Variants in KAZN observed in about 807,000 individuals in gnomAD.
The protein encoded by KAZN is kazrin.
KAZN carries 40 observed loss-of-function variants against 87.4 expected under a neutral mutation model. The ratio of observed to expected loss-of-function variants is 0.46; its 90% CI spans 0.36 to 0.60. KAZN has a LOEUF of 0.60. Ranked by LOEUF, KAZN falls within the 20% of genes least tolerant of loss-of-function variation. The pLI is 0.00. For missense variants in KAZN, 898 were observed against 1,073.9 expected (o/e 0.84, Z 2.29); for synonymous variants, 466 against 458.3 (o/e 1.02, Z -0.22).
rs547484447 is a variant in KAZN at position 14,179,596 on chromosome 1, G to A, written c.92-839G>A. ...CAAATGCAGTGGCTTTATGGAGAAT[G>A]CCTAGAATTTACTTATTTGGGGTTT... On this transcript the variant is annotated intron_variant, in intron 1 of 16. Transcript: ENST00000636203. Among the ~76,000 whole-genome samples, 5 of 152,300 alleles carry A rather than the reference G, an allele frequency of 3.3e-5. No individual in the cohort carries two copies. The South Asian group carries it at 1.0e-3, about 32-fold the overall frequency.
chr1:14,985,313 T>C (rs1666692111), intron 2 of KAZN, among the ~76,000 whole-genome samples: 5 of 151,910 alleles, frequency 3.3e-5, no homozygotes, highest in Admixed American at 2.6e-4. Flanking sequence ...GAGAATCACA[T>C]GAGCTGAGGA....
intron 2 of KAZN, among the ~76,000 whole-genome samples, chr1:14,527,455 A>G (rs962293497): frequency 2.6e-5 from 4 of 151,230 alleles, no homozygotes; most frequent in Admixed American, 2.6e-4. Flanking sequence ...AGTCTGAGGC[A>G]GGAGAATCAC....
At chr1:15,069,838 G>A (rs1000343726) in intron 8 of KAZN, among the ~76,000 whole-genome samples, 1 of 152,152 alleles carries the variant, frequency 6.6e-6, no homozygotes, top group Non-Finnish European at 1.5e-5. Context: ...CAAGCTGCAT[G>A]ACTGTACTCA....
intron 2 of KAZN, among the ~76,000 whole-genome samples, chr1:14,273,574 T>G (rs1279808638): frequency 2.0e-5 from 3 of 152,154 alleles, no homozygotes; most frequent in Non-Finnish European, 4.4e-5. Flanking sequence ...TATTCAAAGC[T>G]TAGCCCAGAA....
intron 1 of KAZN, among the ~76,000 whole-genome samples, chr1:14,959,631 G>A (rs1663597012): frequency 6.6e-6 from 1 of 152,172 alleles, no homozygotes; most frequent in African/African-American, 2.4e-5. Flanking sequence ...ATTTCAGTAT[G>A]TCCTTCCACG....
intron 1 of KAZN, among the ~76,000 whole-genome samples, chr1:14,611,119 C>G (rs944405078): frequency 5.3e-5 from 8 of 152,148 alleles, no homozygotes; most frequent in Non-Finnish European, 1.0e-4. Flanking sequence ...GCATTTTTTT[C>G]TGTGCATCTT....
chr1:14,067,637 C>A (rs1029961854), intron 1 of KAZN, among the ~76,000 whole-genome samples: 16 of 152,204 alleles, frequency 1.1e-4, no homozygotes, highest in African/African-American at 3.6e-4. Context: ...TGTCTGTCCC[C>A]CCCCATACTG....
At chr1:14,577,477 G>A (rs944941238) in intron 2 of KAZN, among the ~76,000 whole-genome samples, 8 of 152,176 alleles carry the variant, frequency 5.3e-5, no homozygotes, top group Non-Finnish European at 8.8e-5. Flanking sequence ...CTTTGGCACA[G>A]AGGGGAGGTG....
At chr1:14,092,360 G>T (rs1644018254) in intron 1 of KAZN, among the ~76,000 whole-genome samples, 1 of 150,120 alleles carries the variant, frequency 6.7e-6, no homozygotes, top group Admixed American at 6.6e-5. Flanking sequence ...CAAAGTGCTG[G>T]GATTATAGGC....
At chr1:13,950,268 C>T (rs964325366) in intron 1 of KAZN, among the ~76,000 whole-genome samples, 17 of 152,178 alleles carry the variant, frequency 1.1e-4, no homozygotes, top group African/African-American at 4.1e-4. Flanking sequence ...CCTTCCAGAC[C>T]TCCCTGGCCA....
intron 1 of KAZN, among the ~76,000 whole-genome samples, chr1:14,867,341 G>C (rs1466513737): frequency 6.6e-6 from 1 of 152,122 alleles, no homozygotes; most frequent in East Asian, 1.9e-4. Flanking sequence ...GAGAAGCAGA[G>C]GACAAAAACT....
chr1:14,925,564 G>C (rs1390401775), intron 1 of KAZN, among the ~76,000 whole-genome samples: 2 of 152,176 alleles, frequency 1.3e-5, no homozygotes, highest in African/African-American at 4.8e-5. Flanking sequence ...ACTTGCCCAA[G>C]TTCCCAGAGT....
At chr1:14,433,390 T>C (rs991354418) in intron 2 of KAZN, among the ~76,000 whole-genome samples, 2 of 151,918 alleles carry the variant, frequency 1.3e-5, no homozygotes, top group African/African-American at 4.9e-5. Flanking sequence ...CATAATATTT[T>C]TGAGATTCAT....
chr1:14,063,663 G>A (rs1642883991), intron 1 of KAZN, among the ~76,000 whole-genome samples: 1 of 152,148 alleles, frequency 6.6e-6, no homozygotes, highest in Non-Finnish European at 1.5e-5. Context: ...GTAGGTCAGT[G>A]ATATGGTTTG....
chr1:14,271,910 C>T (rs774394528), intron 2 of KAZN, among the ~76,000 whole-genome samples: 9 of 152,244 alleles, frequency 5.9e-5, no homozygotes, highest in East Asian at 3.9e-4. Flanking sequence ...GGGACTATAG[C>T]GTGAAGGCAC....
chr1:14,100,677 CACA>C, intron 1 of KAZN, among the ~76,000 whole-genome samples: 1 of 152,310 alleles, frequency 6.6e-6, no homozygotes, highest in Middle Eastern at 3.4e-3. Context: ...CTGGTACATA[CACA>C]AATTCTAGAC....
intron 1 of KAZN, among the ~76,000 whole-genome samples, chr1:14,662,985 T>C (rs561698908): frequency 7.0e-6 from 1 of 143,696 alleles, no homozygotes; most frequent in African/African-American, 2.6e-5. Context: ...ATATATATTT[T>C]AGAGAGGGGG....
intron 2 of KAZN, among the ~76,000 whole-genome samples, chr1:14,432,121 C>T (rs141799567): frequency 3.9e-5 from 6 of 152,228 alleles, no homozygotes; most frequent in Admixed American, 6.5e-5. Flanking sequence ...ATCTTTTCCC[C>T]GCAAGCCTAC....
Position 14,427,183 on chromosome 1 carries a change from C to T in KAZN, c.250-171800C>T, listed in dbSNP as rs1347413556. 2.0e-5 allele frequency among the ~76,000 whole-genome samples: 3 copies of T among 152,168 alleles called. No homozygotes were observed. The East Asian group carries it at 5.8e-4, about 29-fold the overall frequency. The stretch of plus-strand genomic sequence containing the variant: ...AAGGAAGGGACATTCAGGGTAGGAC[C>T]TCAAATGTCTGCAGGTGTCCTCAAG... On this transcript the variant is annotated intron_variant, in intron 2 of 16. Transcript: ENST00000636203.
Sources: gnomAD v4.1 joint callset for allele counts (sites outside exome capture counted in the v4.1 genomes callset) on GRCh38, gnomAD v4.1.1 for gene constraint, MANE v1.5 for transcripts, NCBI Gene and HGNC (gene_info 2026-07-23, HGNC 2026-07-21) for gene names.